The following DNAH11 variants were observed in gnomAD, a reference collection of about 807,000 sequenced individuals.
The protein encoded by DNAH11 is dynein axonemal heavy chain 11.
Under a neutral mutation model 526.0 loss-of-function variants are expected in DNAH11, and 442 were observed. The observed-to-expected ratio is 0.84, with a 90% CI of 0.78 to 0.91. The LOEUF (loss-of-function observed/expected upper bound fraction) is 0.91. Among genes scored for constraint, DNAH11 ranks in the 40% least tolerant of loss-of-function variants. The pLI is 0.00. For missense variants in DNAH11, 6,989 were observed against 5,448.7 expected (o/e 1.28, Z -8.90); for synonymous variants, 2,461 against 1,935.9 (o/e 1.27, Z -7.12).
intron 65 of DNAH11, among the ~76,000 whole-genome samples, chr7:21,818,884 A>G (rs147976257): frequency 1.1e-3 from 163 of 152,216 alleles, no homozygotes; most frequent in African/African-American, 3.8e-3. Context: ...ACAGAGAAAT[A>G]CTTCCCCCTA....
Position 21,786,709 on chromosome 7 carries a change from C to G in DNAH11, c.9683C>G (p.Pro3228Arg). 1 of 1,613,856 alleles carries G rather than the reference C, an allele frequency of 6.2e-7. No individual in the cohort carries two copies. Among genetic ancestry groups the G allele is most frequent in the South Asian group, 1.1e-5 (1 of 91,060 alleles). ...VTAAVMVLLA[P>R]RGRVPKDRSW... ...GCAGCCGTGATGGTCCTTCTGGCTC[C>G]TCGGGGAAGAGTGCCCAAAGACCGA... is the stretch of plus-strand genomic sequence containing the variant. Residue 3228 changes from proline to arginine, a missense_variant, in exon 59 of 82, where the codon CCT becomes CGT. By Grantham distance (103) the Pro-to-Arg change is moderately radical. Transcript: ENST00000409508.
chr7:21,857,926 T>C (rs911212435), intron 68 of DNAH11, among the ~76,000 whole-genome samples: 10 of 152,148 alleles, frequency 6.6e-5, no homozygotes, highest in Non-Finnish European at 7.4e-5. Flanking sequence ...ACTTAATAAA[T>C]TGAACCTTAT....
chr7:21,874,470 G>A (rs1273595965), intron 74 of DNAH11, among the ~76,000 whole-genome samples: 1 of 151,606 alleles, frequency 6.6e-6, no homozygotes, highest in Non-Finnish European at 1.5e-5. Context: ...CAGGTAGCTG[G>A]GATTACAGGC....
chr7:21,769,763 C>A (rs1253555216), intron 55 of DNAH11, among the ~76,000 whole-genome samples: 1 of 152,128 alleles, frequency 6.6e-6, no homozygotes, highest in East Asian at 1.9e-4. Context: ...GGATTACAGG[C>A]ATGAGCCACT....
chr7:21,897,097 G>C (rs57910435), intron 79 of DNAH11, among the ~76,000 whole-genome samples: 1 of 151,982 alleles, frequency 6.6e-6, no homozygotes, highest in Non-Finnish European at 1.5e-5. Flanking sequence ...ATATTTCATC[G>C]TCCATAATTA....
intron 65 of DNAH11, among the ~76,000 whole-genome samples, chr7:21,829,903 G>A (rs996165119): frequency 1.7e-4 from 26 of 152,202 alleles, no homozygotes; most frequent in Non-Finnish European, 3.4e-4. Context: ...TGTCACAGAA[G>A]TACTTTGAAA....
chr7:21,842,552 G>C lies in DNAH11; in HGVS notation c.10700G>C (p.Arg3567Thr). 6.2e-7 allele frequency: 1 copy of C among 1,613,752 alleles called. No individual in the cohort carries two copies. The highest frequency in any genetic ancestry group is 8.5e-7 in the Non-Finnish European group (1 of 1,179,774). ...RNTIKKGKYI[R>T]IGDKECEFNK... Reference sequence around the variant, plus strand: ...TGTTTTGCTCCGTTTAGGTATATCAGGATTGGAGATAAAGAATGTGAATTT... The same window carrying C: ...TGTTTTGCTCCGTTTAGGTATATCACGATTGGAGATAAAGAATGTGAATTT... Residue 3567 changes from arginine to threonine, a missense_variant, in exon 66 of 82, where the codon AGG becomes ACG. Transcript: ENST00000409508.
At chr7:21,669,631 G>A (rs200687988) in intron 30 of DNAH11, among the ~76,000 whole-genome samples, 96 of 150,166 alleles carry the variant, frequency 6.4e-4, no homozygotes, top group African/African-American at 2.3e-3. Context: ...AGTGCTTTTT[G>A]TGTCTTTTTA....
chr7:21,873,190 C>G, intron 73 of DNAH11, 84 bp from the exon 74 acceptor site: 1 of 1,183,492 alleles, frequency 8.4e-7, no homozygotes, highest in Non-Finnish European at 1.2e-6. Context: ...GTTTTCAGTG[C>G]AATTATATAT....
chr7:21,729,545 C>G (rs1212646958), intron 45 of DNAH11, among the ~76,000 whole-genome samples: 1 of 152,144 alleles, frequency 6.6e-6, no homozygotes, highest in Non-Finnish European at 1.5e-5. Context: ...TAAGGAGAAA[C>G]TAGGCCACAT....
intron 39 of DNAH11, among the ~76,000 whole-genome samples, chr7:21,706,153 G>C (rs1377835660): frequency 3.3e-5 from 5 of 152,050 alleles, no homozygotes; most frequent in Non-Finnish European, 5.9e-5. Context: ...TGCTGTGCTA[G>C]GTGCATTATG....
chr7:21,873,010 T>C (rs1583797617), intron 73 of DNAH11, among the ~76,000 whole-genome samples: 1 of 152,034 alleles, frequency 6.6e-6, no homozygotes, highest in East Asian at 1.9e-4. Context: ...GGTATGTGTA[T>C]TGCGTGGAGA....
intron 62 of DNAH11, among the ~76,000 whole-genome samples, chr7:21,804,536 C>T (rs1303812865): frequency 3.9e-5 from 6 of 152,110 alleles, no homozygotes; most frequent in Non-Finnish European, 7.4e-5. Context: ...CTGCAAATCC[C>T]CTCTCTCCAT....
chr7:21,557,338 G>C (rs920089525), intron 2 of DNAH11, among the ~76,000 whole-genome samples: 1 of 152,116 alleles, frequency 6.6e-6, no homozygotes, highest in African/African-American at 2.4e-5. Context: ...TGTTCAGGTT[G>C]CTATCACAAA....
At chr7:21,571,147 CG>C (rs1188530773) in intron 7 of DNAH11, among the ~76,000 whole-genome samples, 1 of 152,080 alleles carries the variant, frequency 6.6e-6, no homozygotes, top group Non-Finnish European at 1.5e-5. Flanking sequence ...GACTCACTGC[CG>C]GGTATGGGGT....
chr7:21,893,107 T>G (rs1175488189), intron 77 of DNAH11, among the ~76,000 whole-genome samples: 3 of 152,238 alleles, frequency 2.0e-5, no homozygotes. Flanking sequence ...TTTTTCACTT[T>G]TATAGAAATA....
intron 20 of DNAH11, among the ~76,000 whole-genome samples, chr7:21,608,935 T>C (rs1785409610): frequency 6.6e-6 from 1 of 152,244 alleles, no homozygotes. Context: ...TCAGCAGACA[T>C]GTCTAATGTA....
At position 21,690,786 on chromosome 7, in the gene DNAH11, T is replaced by C; in HGVS notation, c.5946T>C (p.Ala1982=). 1 of 1,609,714 alleles carries C rather than the reference T, an allele frequency of 6.2e-7. No homozygotes were observed. The highest frequency in any genetic ancestry group is 8.5e-7 in the Non-Finnish European group (1 of 1,178,232). ...GTAGATTTGTATTTCTTGGGGAAGCTATCACACTGAAGCCATCAGTTGGAA... is the reference window on the plus strand; with the variant it reads ...GTAGATTTGTATTTCTTGGGGAAGCCATCACACTGAAGCCATCAGTTGGAA... ...RKKRFVFLGE[A]ITLKPSVGIF... The change falls in exon 35 of 82, where the codon GCT becomes GCC. Residue 1982 remains alanine, a synonymous_variant. Transcript: ENST00000409508.
At chr7:21,789,755 T>A (rs951586427) in intron 61 of DNAH11, among the ~76,000 whole-genome samples, 3 of 142,380 alleles carry the variant, frequency 2.1e-5, no homozygotes, top group African/African-American at 7.8e-5. Context: ...TAATAAGCAT[T>A]TCTTTCTCTC....
Sources: allele counts gnomAD v4.1 joint callset (sites outside exome capture counted in the v4.1 genomes callset), GRCh38; gene constraint gnomAD v4.1.1; transcripts MANE v1.5; gene names NCBI Gene and HGNC (gene_info 2026-07-23, HGNC 2026-07-21).